Variants in DCST1 observed in about 807,000 individuals in gnomAD.
DCST1 encodes DC-STAMP domain containing 1, also known as E3 ubiquitin-protein ligase DCST1.
DCST1 carries 78 observed loss-of-function variants against 89.1 expected under a neutral mutation model. The observed-to-expected ratio is 0.88, with a 90% CI of 0.73 to 1.06. The LOEUF (loss-of-function observed/expected upper bound fraction) is 1.06. DCST1 is among the 50% of genes least tolerant of loss of function. The probability of loss-of-function intolerance (pLI) is 0.00; values close to 1 mark genes in which losing one functional copy is unlikely to be tolerated. For synonymous variants in DCST1, 364 were observed against 371.9 expected (o/e 0.98, Z 0.24); for missense variants, 900 against 928.6 (o/e 0.97, Z 0.40).
chr1:155,050,713 G>A lies in DCST1; in HGVS notation c.1966G>A (p.Glu656Lys). 2 of 1,608,664 alleles carry A rather than the reference G, an allele frequency of 1.2e-6. No homozygotes were observed. Among genetic ancestry groups the A allele is most frequent in the Non-Finnish European group, 1.7e-6 (2 of 1,178,180 alleles). ...CVVCQAPETP[E>K]SYVCRTLDCE... Reference sequence around the variant, plus strand: ...GGTGTGCCAGGCACCCGAGACGCCCGAGTCCTACGTGTGCCGGACGCTGGA... The same window carrying A: ...GGTGTGCCAGGCACCCGAGACGCCCAAGTCCTACGTGTGCCGGACGCTGGA... The change falls in exon 17 of 17, where the codon GAG becomes AAG. Residue 656 changes from glutamate to lysine, a missense_variant. Transcript: ENST00000295542.
chr1:155,046,613 T>TTTTTTA, intron 13 of DCST1, 127 bp downstream of exon 13: 1 of 1,293,524 alleles, frequency 7.7e-7, no homozygotes, highest in Non-Finnish European at 1.0e-6. Flanking sequence ...TTTTTTTTTT[T>TTTTTTA]TTTTTGAGAC....
chr1:155,049,301 T>C (rs1186787949), intron 16 of DCST1: 2 of 480,656 alleles, frequency 4.2e-6, no homozygotes, highest in East Asian at 3.3e-5. Context: ...TCCATATGCA[T>C]GCATGTTATC....
At chr1:155,037,437 TC>T (rs556010958) in intron 4 of DCST1, among the ~76,000 whole-genome samples, 1 of 147,556 alleles carries the variant, frequency 6.8e-6, no homozygotes, top group East Asian at 2.0e-4. Flanking sequence ...ACATTGTTGG[TC>T]TTTTTTTTTT....
At chr1:155,040,266 G>GCA (rs2102354087) in intron 5 of DCST1, among the ~76,000 whole-genome samples, 1 of 143,996 alleles carries the variant, frequency 6.9e-6, no homozygotes, top group East Asian at 2.0e-4. Context: ...TCGAGCCACT[G>GCA]CACTCCAGCC....
chr1:155,036,307 G>T (rs1660277389), intron 4 of DCST1, among the ~76,000 whole-genome samples: 1 of 152,154 alleles, frequency 6.6e-6, no homozygotes, highest in African/African-American at 2.4e-5. Flanking sequence ...ATTCAAACAT[G>T]TTTTTTCCCA....
intron 10 of DCST1, 112 bp from the exon 11 acceptor site, chr1:155,045,781 C>T: frequency 1.2e-6 from 1 of 852,984 alleles, no homozygotes; most frequent in South Asian, 1.5e-5. Context: ...AGATGGTGCT[C>T]AATGAATGCT....
chr1:155,034,390 C>T, intron 2 of DCST1, 45 bp from the exon 3 acceptor site: 1 of 1,613,342 alleles, frequency 6.2e-7, no homozygotes, highest in Non-Finnish European at 8.5e-7. Context: ...GAGCCCCATC[C>T]CAGGCAGAAG....
chr1:155,047,313 G>A lies in DCST1; in HGVS notation c.1612+1G>A, dbSNP rs147139841. ...ACAGTGATGGAATCAAACAACATGC[G>A]TGAGTGATGCTGAAAGTTTGGATCA... On this transcript the variant is annotated splice_donor_variant, in intron 14 of 16. Transcript: ENST00000295542. LOFTEE classifies it high-confidence loss of function. 44 of 1,609,364 alleles carry A rather than the reference G, an allele frequency of 2.7e-5. No individual in the cohort carries two copies. Among genetic ancestry groups the A allele is most frequent in the South Asian group, 3.3e-5 (3 of 90,984 alleles).
At position 155,034,546 on chromosome 1, in the gene DCST1, G is replaced by A. The variant is rs769002567; in HGVS notation, c.173G>A (p.Gly58Glu). 1.9e-6 allele frequency: 3 copies of A among 1,613,762 alleles called. No individual in the cohort carries two copies. Among genetic ancestry groups the A allele is most frequent in the Non-Finnish European group, 2.5e-6 (3 of 1,180,006 alleles). ...TALLLGAGAGGLLAIGLFQLL... is the reference protein window; with the variant it reads ...TALLLGAGAGELLAIGLFQLL... ...CTCCTGCTGGGGGCAGGCGCTGGGG[G>A]GCTCCTGGCCATAGGTGAGTGTGGA... The change falls in exon 3 of 17, where the codon GGG (glycine) becomes GAG (glutamate). Residue 58 changes from glycine (G) to glutamate (E), a missense_variant. Coordinates refer to ENST00000295542, the MANE Select transcript of DCST1 (RefSeq NM_152494.4).
chr1:155,037,916 A>C (rs1660322952), intron 4 of DCST1, among the ~76,000 whole-genome samples: 1 of 152,288 alleles, frequency 6.6e-6, no homozygotes, highest in African/African-American at 2.4e-5. Flanking sequence ...CCAAGACCAC[A>C]GAACTAGTCC....
chr1:155,041,603 G>T lies in DCST1; in HGVS notation c.738G>T (p.Leu246=). 6.2e-7 allele frequency: 1 copy of T among 1,614,166 alleles called. No individual in the cohort carries two copies. Among genetic ancestry groups the T allele is most frequent in the Non-Finnish European group, 8.5e-7 (1 of 1,180,034 alleles). The part of the protein sequence containing the change: ...TQKMYELKTK[L]RCSYVVNQAI... ...AGATGTATGAGCTGAAGACCAAGCT[G>T]CGTTGCTCCTGTGAGGGGTATCCCT... Residue 246 remains leucine, a synonymous_variant, in exon 7 of 17, where the codon CTG becomes CTT. Coordinates refer to ENST00000295542, the MANE Select transcript of DCST1 (RefSeq NM_152494.4).
At chr1:155,034,157 C>T (rs1453965285) in intron 2 of DCST1, 60 bp downstream of exon 2, 5 of 1,600,848 alleles carry the variant, frequency 3.1e-6, no homozygotes, top group Non-Finnish European at 4.3e-6. Context: ...CATCTCTCCT[C>T]CTGGAACTCC....
At position 155,042,646 on chromosome 1, in the gene DCST1, TGAG is replaced by T. The variant is rs1660470279; in HGVS notation, c.893-83_893-81del. 7 of 1,567,630 alleles carry T rather than the reference TGAG, an allele frequency of 4.5e-6. No individual in the cohort carries two copies. In the South Asian group the frequency reaches 5.7e-5, roughly 13 times the overall value. On this transcript the variant is annotated intron_variant, in intron 8 of 16. Coordinates refer to ENST00000295542, the MANE Select transcript of DCST1 (RefSeq NM_152494.4). The stretch of plus-strand genomic sequence containing the variant: ...TGGGCAGAGAGACAAAAAAGCAGGA[TGAG>T]GAGGACTACAGGAGGACAGGCAGGC...
In DCST1 at chr1:155,047,662, G is replaced by A. The variant is rs559328902; in HGVS notation, c.1613-125G>A. The A allele has an allele frequency of 4.6e-5, 38 of 828,408 alleles. No individual in the cohort carries two copies. The East Asian group carries it at 8.0e-4, about 17-fold the overall frequency. 51.3% of individuals were successfully genotyped at this position (828,408 alleles called of 1,614,324 possible). ...ACTGACAGGGCAGTTCTGCAGTGAGGGGCAGGCAGGAGGAGAGCAGGGGAA... is the reference window on the plus strand; with the variant it reads ...ACTGACAGGGCAGTTCTGCAGTGAGAGGCAGGCAGGAGGAGAGCAGGGGAA... On this transcript the variant is annotated intron_variant, in intron 14 of 16. Coordinates refer to ENST00000295542, the MANE Select transcript of DCST1 (RefSeq NM_152494.4).
intron 5 of DCST1, among the ~76,000 whole-genome samples, 195 bp downstream of exon 5, chr1:155,039,726 C>T (rs553192439): frequency 8.5e-5 from 13 of 152,202 alleles, no homozygotes; most frequent in African/African-American, 2.4e-4. Context: ...TGGCCAGGCA[C>T]GGTGGTTCAT....
At chr1:155,045,818 C>A in intron 10 of DCST1, 75 bp from the exon 11 acceptor site, 1 of 1,331,644 alleles carries the variant, frequency 7.5e-7, no homozygotes, top group African/African-American at 1.4e-5. Context: ...GACTGTGCCT[C>A]AAGGAAGCCC....
chr1:155,044,045 G>A (rs1355462479), intron 10 of DCST1, among the ~76,000 whole-genome samples: 1 of 152,202 alleles, frequency 6.6e-6, no homozygotes, highest in Non-Finnish European at 1.5e-5. Flanking sequence ...GAGATGGGCA[G>A]GGCTTGGGTG....
chr1:155,039,990 C>CAA (rs55764638), intron 5 of DCST1, among the ~76,000 whole-genome samples: 447 of 13,408 alleles, frequency 0.033, 128 homozygotes, highest in African/African-American at 0.043. Flanking sequence ...GACTCCGTCT[C>CAA]AAAAAAAAAA....
chr1:155,047,941 C>T lies in DCST1; in HGVS notation c.1755+12C>T. On this transcript the variant is annotated intron_variant, in intron 15 of 16. Transcript: ENST00000295542. ...TCTACTTCCCCAAGGTTTGCCCCTC[C>T]CCAGACCTCTCCACCCCTACACACC... 6.2e-6 allele frequency: 10 copies of T among 1,614,008 alleles called. No homozygotes were observed. The highest frequency in any genetic ancestry group is 8.5e-6 in the Non-Finnish European group (10 of 1,179,974).
Sources: gnomAD v4.1 joint callset for allele counts (sites outside exome capture counted in the v4.1 genomes callset) on GRCh38, gnomAD v4.1.1 for gene constraint, MANE v1.5 for transcripts, NCBI Gene and HGNC (gene_info 2026-07-23, HGNC 2026-07-21) for gene names.